Variants in CDH4 observed in about 807,000 individuals in gnomAD.
CDH4 encodes the protein cadherin 4, also known as cadherin-4.
Under a neutral mutation model 86.0 loss-of-function variants are expected in CDH4, and 33 were observed. The observed-to-expected ratio is 0.38, with a 90% CI of 0.29 to 0.51. The LOEUF (loss-of-function observed/expected upper bound fraction) is 0.51. Ranked by LOEUF, CDH4 falls within the 20% of genes least tolerant of loss-of-function variation. The probability of loss-of-function intolerance (pLI) is 0.86; values close to 1 mark genes in which losing one functional copy is unlikely to be tolerated. For synonymous variants in CDH4, 555 were observed against 549.4 expected (o/e 1.01, Z -0.14); for missense variants, 1,114 against 1,307.4 (o/e 0.85, Z 2.28).
chr20:61,783,497 A>G (rs117652825), intron 4 of CDH4, among the ~76,000 whole-genome samples: 6,992 of 130,656 alleles, frequency 0.054, 510 homozygotes, highest in East Asian at 0.094. Context: ...TGTGCCCCCG[A>G]AAGAAATGTA....
chr20:61,782,239 A>T (rs1019277938), intron 4 of CDH4, among the ~76,000 whole-genome samples: 7 of 152,092 alleles, frequency 4.6e-5, no homozygotes, highest in Non-Finnish European at 8.8e-5. Context: ...AACCTGGGAG[A>T]CAGAGGTTGC....
intron 2 of CDH4, among the ~76,000 whole-genome samples, chr20:61,543,233 C>T (rs1352177925): frequency 6.6e-6 from 1 of 152,230 alleles, no homozygotes; most frequent in Non-Finnish European, 1.5e-5. Context: ...CACCCAGGAG[C>T]AGTACTTTGC....
chr20:61,857,856 C>A (rs1370854448), intron 6 of CDH4, among the ~76,000 whole-genome samples: 3 of 152,284 alleles, frequency 2.0e-5, no homozygotes, highest in African/African-American at 7.2e-5. Context: ...AGGATCCCAC[C>A]CGTTTGACCT....
At chr20:61,763,588 T>G (rs1272923962) in intron 3 of CDH4, among the ~76,000 whole-genome samples, 1 of 152,208 alleles carries the variant, frequency 6.6e-6, no homozygotes, top group African/African-American at 2.4e-5. Flanking sequence ...AAGGAAATGT[T>G]ACAATAGTTG....
chr20:61,878,317 G>T (rs1206918578), intron 7 of CDH4, among the ~76,000 whole-genome samples: 1 of 152,186 alleles, frequency 6.6e-6, no homozygotes, highest in African/African-American at 2.4e-5. Flanking sequence ...CCGGCTGGAA[G>T]GTGGCTGTGG....
intron 6 of CDH4, among the ~76,000 whole-genome samples, chr20:61,870,220 G>A (rs562223540): frequency 1.3e-5 from 2 of 152,270 alleles, no homozygotes; most frequent in East Asian, 1.9e-4. Context: ...TGCGTGACTG[G>A]CCCGAGTTCC....
rs554179849 is a variant in CDH4 at position 61,902,436 on chromosome 20, G to A, written c.1188+7389G>A. Among the ~76,000 whole-genome samples, 2 of 152,380 alleles carry A rather than the reference G, an allele frequency of 1.3e-5. No homozygotes were observed. The highest frequency in any genetic ancestry group is 4.8e-5 in the African/African-American group (2 of 41,598). ...AGAACCGCTCCCGTGCTCGTTGCAG[G>A]AGTGCAAGGGCAGATCCACAGAGGA... On this transcript the variant is annotated intron_variant, in intron 8 of 15. Coordinates refer to ENST00000614565, the MANE Select transcript of CDH4 (RefSeq NM_001794.5). The surrounding 1 kb of genome is among the most constrained non-coding windows in gnomAD (Gnocchi z 4.6).
intron 2 of CDH4, among the ~76,000 whole-genome samples, chr20:61,376,135 T>TGATGA (rs2145440632): frequency 8.1e-6 from 1 of 123,238 alleles, no homozygotes; most frequent in South Asian, 2.8e-4. Flanking sequence ...ATGAAGGTGG[T>TGATGA]ACTGGTGGCA....
chr20:61,484,258 G>A lies in CDH4; in HGVS notation c.169+229321G>A, dbSNP rs143827057. On this transcript the variant is annotated intron_variant, in intron 2 of 15. Transcript: ENST00000614565. ...GCCACCATGCCATGTACATTCCCAC[G>A]TTTTATTCTTTTGCGCTTTCATCTC... Among the ~76,000 whole-genome samples, 426 of 152,204 alleles carry A rather than the reference G, an allele frequency of 2.8e-3. 4 individuals are homozygous for A. Among genetic ancestry groups the A allele is most frequent in the Non-Finnish European group, 5.3e-3 (359 of 68,004 alleles).
chr20:61,731,623 T>C (rs1275666205), intron 2 of CDH4, among the ~76,000 whole-genome samples: 1 of 152,156 alleles, frequency 6.6e-6, no homozygotes, highest in Non-Finnish European at 1.5e-5. Context: ...AAAAGCGCCG[T>C]TTCCAGCGGG....
chr20:61,805,026 G>A (rs543494646), intron 4 of CDH4, among the ~76,000 whole-genome samples: 35 of 152,164 alleles, frequency 2.3e-4, no homozygotes, highest in Non-Finnish European at 4.6e-4. Context: ...AAGCCCCAGC[G>A]CCAGGCCAAG....
chr20:61,917,051 C>A (rs566562520), intron 9 of CDH4, among the ~76,000 whole-genome samples: 1 of 152,358 alleles, frequency 6.6e-6, no homozygotes, highest in South Asian at 2.1e-4. Flanking sequence ...CAAATCCTGG[C>A]TGCATCATCC....
intron 2 of CDH4, among the ~76,000 whole-genome samples, chr20:61,566,140 C>G (rs1225119063): frequency 6.6e-6 from 1 of 152,190 alleles, no homozygotes; most frequent in Non-Finnish European, 1.5e-5. Flanking sequence ...CCCCGACAGA[C>G]TCACCCACTT....
At chr20:61,334,680 G>T (rs1466622331) in intron 2 of CDH4, among the ~76,000 whole-genome samples, 1 of 152,224 alleles carries the variant, frequency 6.6e-6, no homozygotes, top group Non-Finnish European at 1.5e-5. Flanking sequence ...CCACGCTGGG[G>T]CTGGGTTTCA....
At chr20:61,262,831 C>T (rs1444288179) in intron 2 of CDH4, among the ~76,000 whole-genome samples, 1 of 147,564 alleles carries the variant, frequency 6.8e-6, no homozygotes, top group Non-Finnish European at 1.5e-5. Flanking sequence ...CTCCCCTTCC[C>T]TCCCCTTCCC....
At chr20:61,677,873 TGG>T (rs2087462256) in intron 2 of CDH4, among the ~76,000 whole-genome samples, 6 of 96,966 alleles carry the variant, frequency 6.2e-5, no homozygotes, top group Admixed American at 3.3e-4. Context: ...GGATAGATGA[TGG>T]ATAGATGATG....
intron 2 of CDH4, among the ~76,000 whole-genome samples, chr20:61,495,926 G>C (rs1033324761): frequency 2.2e-5 from 3 of 136,434 alleles, no homozygotes; most frequent in Non-Finnish European, 4.8e-5. Flanking sequence ...AAAAAAAAGA[G>C]TCTAGTGCAG....
intron 2 of CDH4, among the ~76,000 whole-genome samples, chr20:61,686,060 G>C (rs1413060578): frequency 6.6e-6 from 1 of 152,202 alleles, no homozygotes; most frequent in East Asian, 1.9e-4. Context: ...GAGGTGATGG[G>C]ATTTTTTTTT....
At chr20:61,507,664 A>T (rs552417783) in intron 2 of CDH4, among the ~76,000 whole-genome samples, 5 of 152,206 alleles carry the variant, frequency 3.3e-5, no homozygotes, top group Non-Finnish European at 7.3e-5. Context: ...GGAAAATCTG[A>T]GCAACCGTCA....
Sources: gnomAD v4.1 joint callset for allele counts (sites outside exome capture counted in the v4.1 genomes callset) on GRCh38, gnomAD v4.1.1 for gene constraint, Gnocchi (gnomAD v3.1) non-coding constraint, MANE v1.5 for transcripts, NCBI Gene and HGNC (gene_info 2026-07-23, HGNC 2026-07-21) for gene names.